SRGAP1: variants seen among roughly 807,000 people sequenced by gnomAD.
The protein encoded by SRGAP1 is SLIT-ROBO Rho GTPase activating protein 1, also known as SLIT-ROBO Rho GTPase-activating protein 1.
Under a neutral mutation model 121.9 loss-of-function variants are expected in SRGAP1, and 43 were observed. That is an observed-to-expected ratio of 0.35 (90% CI 0.28 to 0.46). SRGAP1 has a LOEUF of 0.46. Among genes scored for constraint, SRGAP1 ranks in the 20% least tolerant of loss-of-function variants. SRGAP1 has a pLI of 1.00. For missense variants in SRGAP1, 1,102 were observed against 1,350.9 expected (o/e 0.82, Z 2.89); for synonymous variants, 447 against 485.4 (o/e 0.92, Z 1.04).
chr12:64,100,239 T>A (rs1277862014), intron 15 of SRGAP1, among the ~76,000 whole-genome samples: 1 of 152,218 alleles, frequency 6.6e-6, no homozygotes, highest in African/African-American at 2.4e-5. Context: ...GCTAAGTATG[T>A]GTTTCTTTGG....
At chr12:64,129,765 T>C (rs1276469549) in intron 21 of SRGAP1, among the ~76,000 whole-genome samples, 3 of 152,226 alleles carry the variant, frequency 2.0e-5, no homozygotes, top group Non-Finnish European at 4.4e-5. Context: ...AATATAATCT[T>C]ATGTCACATG....
chr12:63,877,559 A>C (rs1900068034), intron 1 of SRGAP1, among the ~76,000 whole-genome samples: 1 of 152,244 alleles, frequency 6.6e-6, no homozygotes. Context: ...GGTAGGTGGA[A>C]CATTGTTTTC....
chr12:64,129,807 T>A (rs1474874310), intron 21 of SRGAP1, among the ~76,000 whole-genome samples: 1 of 152,192 alleles, frequency 6.6e-6, no homozygotes, highest in Non-Finnish European at 1.5e-5. Context: ...ATGAAGATAT[T>A]TTCCTAGTAC....
intron 21 of SRGAP1, among the ~76,000 whole-genome samples, chr12:64,136,398 A>G (rs1171307423): frequency 6.6e-6 from 1 of 152,174 alleles, no homozygotes; most frequent in African/African-American, 2.4e-5. Context: ...TCAGTGAGAA[A>G]AGAGGTTAAT....
chr12:64,089,646 T>C (rs1401375505), intron 11 of SRGAP1, among the ~76,000 whole-genome samples: 1 of 152,196 alleles, frequency 6.6e-6, no homozygotes, highest in Non-Finnish European at 1.5e-5. Flanking sequence ...CAGAACTCAG[T>C]GTATAAAAGA....
chr12:63,936,467 G>A (rs956627381), intron 1 of SRGAP1, among the ~76,000 whole-genome samples: 1 of 152,124 alleles, frequency 6.6e-6, no homozygotes, highest in Non-Finnish European at 1.5e-5. Context: ...AAGGGGACAT[G>A]TGCTCAGGTG....
chr12:63,997,566 C>T (rs923756926), intron 3 of SRGAP1, among the ~76,000 whole-genome samples: 5 of 152,052 alleles, frequency 3.3e-5, no homozygotes, highest in African/African-American at 1.2e-4. Flanking sequence ...TTATTTTCTT[C>T]TGTTTGCTTA....
intron 3 of SRGAP1, among the ~76,000 whole-genome samples, chr12:64,014,710 C>T (rs893091773): frequency 6.6e-6 from 1 of 152,162 alleles, no homozygotes. Context: ...AATCTTTTAT[C>T]TGACCCAGAA....
At chr12:63,873,007 T>A (rs1425078131) in intron 1 of SRGAP1, among the ~76,000 whole-genome samples, 2 of 152,164 alleles carry the variant, frequency 1.3e-5, no homozygotes, top group Non-Finnish European at 2.9e-5. Flanking sequence ...GCTCCTGAAA[T>A]GATTCTAATA....
chr12:63,871,038 C>A (rs1231340742), intron 1 of SRGAP1, among the ~76,000 whole-genome samples: 1 of 152,126 alleles, frequency 6.6e-6, no homozygotes, highest in Admixed American at 6.6e-5. Context: ...CCTCAGGCCC[C>A]CAGATTTGCA....
chr12:64,093,127 T>C (rs949998054), intron 12 of SRGAP1, among the ~76,000 whole-genome samples: 1 of 152,186 alleles, frequency 6.6e-6, no homozygotes, highest in Non-Finnish European at 1.5e-5. Flanking sequence ...CCATTTTTTC[T>C]CTTTTTTCTC....
At chr12:63,860,532 GA>G (rs1477857286) in intron 1 of SRGAP1, among the ~76,000 whole-genome samples, 1 of 151,894 alleles carries the variant, frequency 6.6e-6, no homozygotes, top group African/African-American at 2.4e-5. Context: ...TTTCATCAAG[GA>G]GAAAAAAATC....
chr12:63,899,469 G>A (rs1900861875), intron 1 of SRGAP1, among the ~76,000 whole-genome samples: 2 of 152,190 alleles, frequency 1.3e-5, no homozygotes, highest in South Asian at 4.1e-4. Flanking sequence ...CACCAGTCGT[G>A]CAGCTACTGA....
chr12:63,927,567 T>C lies in SRGAP1; in HGVS notation c.68-56380T>C, dbSNP rs117701860. Among the ~76,000 whole-genome samples the C allele has an allele frequency of 1.7e-3, 265 of 152,292 alleles. 1 individual carries two copies. The highest frequency in any genetic ancestry group is 3.0e-3 in the Non-Finnish European group (203 of 68,016). Reference sequence around the variant, plus strand: ...ATTTTCATTATGCCTTTCACACTTCTCTTTTGTTCTTTAGTTCATACTGTA... The same window carrying C: ...ATTTTCATTATGCCTTTCACACTTCCCTTTTGTTCTTTAGTTCATACTGTA... On this transcript the variant is annotated intron_variant, in intron 1 of 21. Transcript: ENST00000355086.
At chr12:63,985,660 G>T (rs1335298818) in intron 2 of SRGAP1, among the ~76,000 whole-genome samples, 1 of 152,154 alleles carries the variant, frequency 6.6e-6, no homozygotes, top group Non-Finnish European at 1.5e-5. Context: ...AACCTAAGTG[G>T]CAATTGTATC....
chr12:64,100,806 T>G (rs2036241838), intron 15 of SRGAP1, among the ~76,000 whole-genome samples: 1 of 152,228 alleles, frequency 6.6e-6, no homozygotes, highest in African/African-American at 2.4e-5. Context: ...CTTACCAATG[T>G]GACCATAATG....
At chr12:64,043,420 C>A (rs1030194542) in intron 5 of SRGAP1, 27 bp from the exon 6 acceptor site, 2 of 1,594,510 alleles carry the variant, frequency 1.3e-6, no homozygotes. Context: ...GCATTCTTTC[C>A]CAATGCCTGG....
intron 4 of SRGAP1, among the ~76,000 whole-genome samples, chr12:64,027,910 G>T (rs946856585): frequency 6.6e-6 from 1 of 152,136 alleles, no homozygotes; most frequent in Non-Finnish European, 1.5e-5. Context: ...AAAGGTGTGG[G>T]TCTTTAATGA....
At chr12:64,103,923 A>C (rs2036298780) in intron 15 of SRGAP1, among the ~76,000 whole-genome samples, 1 of 152,214 alleles carries the variant, frequency 6.6e-6, no homozygotes, top group Non-Finnish European at 1.5e-5. Context: ...AATGTCCTGA[A>C]ACTGATACAT....
Sources: gnomAD v4.1 joint callset for allele counts (sites outside exome capture counted in the v4.1 genomes callset) on GRCh38, gnomAD v4.1.1 for gene constraint, MANE v1.5 for transcripts, NCBI Gene and HGNC (gene_info 2026-07-23, HGNC 2026-07-21) for gene names.